The following KIAA0825 variants were observed in gnomAD, a reference collection of about 807,000 sequenced individuals.
The protein encoded by KIAA0825 is KIAA0825, also known as uncharacterized protein KIAA0825.
Under a neutral mutation model 147.6 loss-of-function variants are expected in KIAA0825, and 119 were observed. That is an observed-to-expected ratio of 0.81 (90% confidence interval 0.69 to 0.94). The LOEUF (loss-of-function observed/expected upper bound fraction) is 0.94, where lower values mean the gene tolerates loss of function less well. KIAA0825 is among the 40% of genes least tolerant of loss of function. The probability of loss-of-function intolerance (pLI) is 0.00; values close to 1 mark genes in which losing one functional copy is unlikely to be tolerated. For synonymous variants in KIAA0825, 470 were observed against 518.1 expected (o/e 0.91, Z 1.26); for missense variants, 1,381 against 1,472.7 (o/e 0.94, Z 1.02).
At chr5:94,365,127 A>G (rs1261164494) in intron 20 of KIAA0825, among the ~76,000 whole-genome samples, 3 of 152,150 alleles carry the variant, frequency 2.0e-5, no homozygotes, top group African/African-American at 7.2e-5. Flanking sequence ...TCGGGCCCTC[A>G]AGCCTGTCTG....
rs1790847069 is a variant in KIAA0825 at position 94,617,482 on chromosome 5, G to A, written c.-153+1018C>T. Among the ~76,000 whole-genome samples, 4 of 152,032 alleles carry A rather than the reference G, an allele frequency of 2.6e-5. No individual in the cohort carries two copies. The South Asian group carries it at 8.3e-4, about 32-fold the overall frequency. On this transcript the variant is annotated intron_variant, in intron 1 of 20. Coordinates refer to ENST00000682413, the MANE Select transcript of KIAA0825 (RefSeq NM_001145678.3). The stretch of plus-strand genomic sequence containing the variant: ...TGAACATATTGCATTTTTCTTTATC[G>A]GTATGCTCCGATAAAGAAAATGTTT...
Position 94,312,370 on chromosome 5 carries a change from G to A in KIAA0825, c.3710+71998C>T, listed in dbSNP as rs1208317263. Among the ~76,000 whole-genome samples the A allele has an allele frequency of 3.3e-5, 5 of 151,588 alleles. No homozygotes were observed. The South Asian group carries it at 1.0e-3, about 31-fold the overall frequency. ...AAGTATGAGATAATCTTAGAAACGA[G>A]TATTATTCCTTTGGACTTGTTATGA... is the stretch of plus-strand genomic sequence containing the variant. On this transcript the variant is annotated intron_variant, in intron 20 of 20. Transcript: ENST00000682413.
chr5:94,549,049 C>T (rs111642847), intron 2 of KIAA0825, among the ~76,000 whole-genome samples: 30 of 152,224 alleles, frequency 2.0e-4, no homozygotes, highest in African/African-American at 6.3e-4. Context: ...AGCAAAGAAA[C>T]ATTGAACTTA....
At chr5:94,279,035 C>A (rs1426730160) in intron 20 of KIAA0825, among the ~76,000 whole-genome samples, 1 of 151,954 alleles carries the variant, frequency 6.6e-6, no homozygotes, top group African/African-American at 2.4e-5. Flanking sequence ...CAATTTTATA[C>A]ATGAAACCTA....
chr5:94,473,522 G>A lies in KIAA0825; in HGVS notation c.1228-3C>T. 1 of 1,531,514 alleles carries A rather than the reference G, an allele frequency of 6.5e-7. No homozygotes were observed. The highest frequency in any genetic ancestry group is 8.9e-7 in the Non-Finnish European group (1 of 1,128,758). 94.9% of individuals were successfully genotyped at this position (1,531,514 alleles called of 1,614,324 possible). On this transcript the variant is annotated splice_polypyrimidine_tract_variant and splice_region_variant and intron_variant, in intron 7 of 20. Coordinates refer to ENST00000682413, the MANE Select transcript of KIAA0825 (RefSeq NM_001145678.3). The stretch of plus-strand genomic sequence containing the variant: ...CAGCCAAAATCTAGTAAGGTAGCCT[G>A]AAATATCAATGTATATGAAGTCATG...
chr5:94,493,277 C>T (rs897578238), intron 5 of KIAA0825, among the ~76,000 whole-genome samples: 9 of 152,194 alleles, frequency 5.9e-5, no homozygotes, highest in Non-Finnish European at 5.9e-5. Context: ...AATATCTTAA[C>T]ACATTTACAC....
chr5:94,242,826 A>G (rs1775419123), intron 20 of KIAA0825, among the ~76,000 whole-genome samples: 1 of 151,992 alleles, frequency 6.6e-6, no homozygotes, highest in Non-Finnish European at 1.5e-5. Context: ...AGGTTTTGCT[A>G]TGTTGTCTGG....
intron 5 of KIAA0825, among the ~76,000 whole-genome samples, chr5:94,510,829 C>T (rs1234077713): frequency 6.6e-6 from 1 of 152,182 alleles, no homozygotes; most frequent in Non-Finnish European, 1.5e-5. Context: ...GCAGTTTCTC[C>T]TGTATAAATG....
chr5:94,425,741 A>T (rs1316671741), intron 14 of KIAA0825, among the ~76,000 whole-genome samples: 1 of 152,152 alleles, frequency 6.6e-6, no homozygotes, highest in Non-Finnish European at 1.5e-5. Context: ...CCAACAGTGT[A>T]TGTGTTCCCT....
chr5:94,201,870 T>TG (rs965930004), intron 20 of KIAA0825, among the ~76,000 whole-genome samples: 15 of 152,122 alleles, frequency 9.9e-5, no homozygotes, highest in African/African-American at 3.6e-4. Flanking sequence ...AGGAGCAGTG[T>TG]GGGGGTCAGT....
intron 2 of KIAA0825, chr5:94,569,675 A>C (rs1412553636): frequency 2.9e-6 from 1 of 343,880 alleles, no homozygotes; most frequent in East Asian, 4.4e-5. Flanking sequence ...CATTCAAATG[A>C]TCACAGGACT....
chr5:94,518,825 A>C (rs1392925946), intron 5 of KIAA0825, among the ~76,000 whole-genome samples: 3 of 152,108 alleles, frequency 2.0e-5, no homozygotes, highest in Non-Finnish European at 4.4e-5. Context: ...AAACACTTCA[A>C]TATCAACCCT....
intron 20 of KIAA0825, among the ~76,000 whole-genome samples, chr5:94,366,824 A>G (rs949858629): frequency 2.0e-5 from 3 of 152,212 alleles, no homozygotes; most frequent in African/African-American, 7.2e-5. Context: ...TTTCCACGAC[A>G]GTACCCCAAA....
At chr5:94,204,064 T>C (rs1255343068) in intron 20 of KIAA0825, among the ~76,000 whole-genome samples, 1 of 152,192 alleles carries the variant, frequency 6.6e-6, no homozygotes, top group African/African-American at 2.4e-5. Flanking sequence ...CTAATTCAGC[T>C]TAAAATTTTC....
intron 20 of KIAA0825, among the ~76,000 whole-genome samples, chr5:94,163,291 C>T (rs965608312): frequency 3.3e-5 from 5 of 152,130 alleles, no homozygotes; most frequent in African/African-American, 4.8e-5. Context: ...TGGAATGAGA[C>T]CTTTTGTAGG....
intron 5 of KIAA0825, among the ~76,000 whole-genome samples, chr5:94,515,932 T>A (rs1767167564): frequency 6.6e-6 from 1 of 152,188 alleles, no homozygotes; most frequent in Non-Finnish European, 1.5e-5. Flanking sequence ...TATAAAAGAT[T>A]GTTAAATCAA....
At chr5:94,309,273 T>A (rs1479568242) in intron 20 of KIAA0825, among the ~76,000 whole-genome samples, 1 of 151,830 alleles carries the variant, frequency 6.6e-6, no homozygotes, top group Non-Finnish European at 1.5e-5. Flanking sequence ...CAAATAACTG[T>A]AATATAAAGT....
intron 20 of KIAA0825, among the ~76,000 whole-genome samples, chr5:94,158,789 G>T (rs1213794724): frequency 6.6e-6 from 1 of 152,124 alleles, no homozygotes; most frequent in Non-Finnish European, 1.5e-5. Context: ...CCTTATCTAT[G>T]GAATGGTAAT....
At chr5:94,579,261 G>T (rs563657429) in intron 2 of KIAA0825, among the ~76,000 whole-genome samples, 1 of 152,220 alleles carries the variant, frequency 6.6e-6, no homozygotes, top group South Asian at 2.1e-4. Context: ...TTACTTACTA[G>T]TTATATAACC....
Sources: gnomAD v4.1 joint callset for allele counts (sites outside exome capture counted in the v4.1 genomes callset) on GRCh38, gnomAD v4.1.1 for gene constraint, MANE v1.5 for transcripts, NCBI Gene and HGNC (gene_info 2026-07-23, HGNC 2026-07-21) for gene names.